Variants in PPP2R2B observed in about 807,000 individuals in gnomAD.
The protein encoded by PPP2R2B is serine/threonine-protein phosphatase 2A 55 kDa regulatory subunit B beta isoform.
In PPP2R2B, 5 loss-of-function variants were observed where a neutral mutation model predicts 46.0. The ratio of observed to expected loss-of-function variants is 0.11; its 90% CI spans 0.06 to 0.23. The LOEUF is 0.23. Among genes scored for constraint, PPP2R2B ranks in the 10% least tolerant of loss-of-function variants. The pLI, the probability that PPP2R2B is intolerant of heterozygous loss-of-function variation, is 1.00. For missense variants in PPP2R2B, 367 were observed against 575.0 expected (o/e 0.64, Z 3.70); for synonymous variants, 215 against 206.7 (o/e 1.04, Z -0.34).
intron 1 of PPP2R2B, among the ~76,000 whole-genome samples, chr5:146,921,468 A>G (rs1211022997): frequency 1.3e-5 from 2 of 152,224 alleles, no homozygotes; most frequent in Non-Finnish European, 2.9e-5. Flanking sequence ...TCCCTAGAGC[A>G]CACGTGCTTA....
At chr5:146,764,467 G>C (rs1445788474) in intron 2 of PPP2R2B, among the ~76,000 whole-genome samples, 1 of 152,130 alleles carries the variant, frequency 6.6e-6, no homozygotes, top group Admixed American at 6.5e-5. Flanking sequence ...GATGGCTCAA[G>C]TCAGTAATTA....
At chr5:146,596,668 A>G (rs1771202103) in intron 8 of PPP2R2B, among the ~76,000 whole-genome samples, 1 of 152,192 alleles carries the variant, frequency 6.6e-6, no homozygotes, top group Non-Finnish European at 1.5e-5. Flanking sequence ...TGCAGCTGGA[A>G]GAGGACACTG....
chr5:146,790,274 G>A (rs1338502464), intron 2 of PPP2R2B, among the ~76,000 whole-genome samples: 1 of 152,154 alleles, frequency 6.6e-6, no homozygotes, highest in African/African-American at 2.4e-5. Context: ...ACTGGGAGAG[G>A]AGAAACACCA....
intron 1 of PPP2R2B, among the ~76,000 whole-genome samples, chr5:146,975,235 C>T (rs1363923771): frequency 1.3e-5 from 2 of 152,156 alleles, no homozygotes; most frequent in Admixed American, 6.5e-5. Context: ...CTCTTTATAC[C>T]TCATATAAGT....
At chr5:146,716,577 G>T (rs1425692882) in intron 2 of PPP2R2B, among the ~76,000 whole-genome samples, 3 of 152,062 alleles carry the variant, frequency 2.0e-5, no homozygotes, top group Non-Finnish European at 4.4e-5. Context: ...GTGAAATTCT[G>T]CATCTTATTT....
At chr5:146,885,438 G>C (rs1483828406) in intron 1 of PPP2R2B, among the ~76,000 whole-genome samples, 1 of 152,168 alleles carries the variant, frequency 6.6e-6, no homozygotes, top group Non-Finnish European at 1.5e-5. Context: ...CTCTCTTAGG[G>C]ATAAATATTC....
intron 2 of PPP2R2B, among the ~76,000 whole-genome samples, chr5:146,737,854 C>A (rs1373082421): frequency 6.6e-6 from 1 of 151,892 alleles, no homozygotes; most frequent in Non-Finnish European, 1.5e-5. Flanking sequence ...GTGGGAGGAT[C>A]ACTTGAGCCC....
At position 146,948,587 on chromosome 5, in the gene PPP2R2B, A is replaced by G. The variant is rs867817087; in HGVS notation, c.79+107078T>C. On this transcript the variant is annotated intron_variant, in intron 1 of 8. Coordinates refer to the PPP2R2B transcript ENST00000336640. ...TATTAAGTAGAAAACAAAGGGAAAA[A>G]AAGAAATAACTTAATCTTTATAATT... Among the ~76,000 whole-genome samples, 19 of 152,252 alleles carry G rather than the reference A, an allele frequency of 1.2e-4. No individual in the cohort carries two copies. The South Asian group carries it at 3.5e-3, about 28-fold the overall frequency.
chr5:146,914,745 C>T (rs1411563591), intron 1 of PPP2R2B, among the ~76,000 whole-genome samples: 2 of 152,148 alleles, frequency 1.3e-5, no homozygotes, highest in Non-Finnish European at 2.9e-5. Context: ...GTTTTATGAA[C>T]AAAGCCATTT....
intron 2 of PPP2R2B, among the ~76,000 whole-genome samples, chr5:146,745,764 C>T (rs139275263): frequency 6.6e-6 from 1 of 152,228 alleles, no homozygotes; most frequent in East Asian, 1.9e-4. Flanking sequence ...TCAAGAGCAG[C>T]CTGGACAACA....
chr5:146,955,382 A>C (rs1043223149), intron 1 of PPP2R2B, among the ~76,000 whole-genome samples: 3 of 152,216 alleles, frequency 2.0e-5, no homozygotes, highest in African/African-American at 7.2e-5. Flanking sequence ...AGGTAATGCC[A>C]ATGCCTAGAC....
chr5:146,874,819 T>C (rs967697917), intron 2 of PPP2R2B, among the ~76,000 whole-genome samples: 3 of 151,560 alleles, frequency 2.0e-5, no homozygotes, highest in African/African-American at 7.3e-5. Flanking sequence ...TGGGGTTCCA[T>C]ATCTGAAAAA....
intron 1 of PPP2R2B, among the ~76,000 whole-genome samples, chr5:146,968,569 T>G (rs1752538025): frequency 6.6e-6 from 1 of 152,230 alleles, no homozygotes. Flanking sequence ...CCTGAGCTAC[T>G]TCTTTGCTGA....
chr5:146,869,883 C>A (rs758521665), intron 2 of PPP2R2B, among the ~76,000 whole-genome samples: 3 of 152,220 alleles, frequency 2.0e-5, no homozygotes, highest in Non-Finnish European at 2.9e-5. Context: ...TACAAAGCTA[C>A]ATAAGCAATG....
intron 5 of PPP2R2B, among the ~76,000 whole-genome samples, chr5:146,662,629 A>C (rs916557592): frequency 6.6e-6 from 1 of 152,228 alleles, no homozygotes; most frequent in Non-Finnish European, 1.5e-5. Context: ...TAAATTACCC[A>C]GTCTGTGGTA....
intron 2 of PPP2R2B, among the ~76,000 whole-genome samples, chr5:146,774,465 T>TG (rs35505663): frequency 2.6e-5 from 4 of 151,224 alleles, no homozygotes; most frequent in Admixed American, 2.0e-4. Flanking sequence ...AAAAATAAAG[T>TG]GGGGGGTTGT....
chr5:146,877,786 T>G (rs1761982551), intron 2 of PPP2R2B, among the ~76,000 whole-genome samples: 1 of 152,274 alleles, frequency 6.6e-6, no homozygotes, highest in East Asian at 1.9e-4. Flanking sequence ...TTAACTCCCG[T>G]GGGCGCCGGG....
intron 1 of PPP2R2B, among the ~76,000 whole-genome samples, chr5:146,909,956 T>C (rs920668278): frequency 6.6e-6 from 1 of 152,248 alleles, no homozygotes; most frequent in Admixed American, 6.5e-5. Flanking sequence ...ATTTATCTAA[T>C]TGCAGCTAGA....
intron 1 of PPP2R2B, among the ~76,000 whole-genome samples, chr5:146,888,397 C>T (rs1196474874): frequency 6.6e-6 from 1 of 152,066 alleles, no homozygotes; most frequent in Non-Finnish European, 1.5e-5. Flanking sequence ...TGAAATATGT[C>T]CAGAATCAAC....
Sources: gnomAD v4.1 joint callset for allele counts (sites outside exome capture counted in the v4.1 genomes callset) on GRCh38, gnomAD v4.1.1 for gene constraint, MANE v1.5 for transcripts, NCBI Gene and HGNC (gene_info 2026-07-23, HGNC 2026-07-21) for gene names.